Variants in CHRM3 observed in about 807,000 individuals in gnomAD.
The protein encoded by CHRM3 is muscarinic acetylcholine receptor M3.
In CHRM3, 11 loss-of-function variants were observed where a neutral mutation model predicts 41.8. The ratio of observed to expected loss-of-function variants is 0.26; its 90% confidence interval spans 0.17 to 0.44. The LOEUF is 0.44. Ranked by LOEUF, CHRM3 falls within the 20% of genes least tolerant of loss-of-function variation. CHRM3 has a pLI of 1.00. For missense variants in CHRM3, 571 were observed against 745.4 expected (o/e 0.77, Z 2.72); for synonymous variants, 297 against 301.4 (o/e 0.99, Z 0.15).
chr1:239,803,804 GT>G (rs1572346240), intron 5 of CHRM3, among the ~76,000 whole-genome samples: 1 of 152,160 alleles, frequency 6.6e-6, no homozygotes, highest in African/African-American at 2.4e-5. Context: ...GCAGAGCGGG[GT>G]TCCACCAAGT....
intron 6 of CHRM3, among the ~76,000 whole-genome samples, chr1:239,858,214 A>G (rs1675283076): frequency 6.6e-6 from 1 of 152,330 alleles, no homozygotes; most frequent in East Asian, 1.9e-4. Flanking sequence ...GCGATTTCAC[A>G]ATATTGCAGA....
chr1:239,506,615 A>G (rs1250021936), intron 2 of CHRM3, among the ~76,000 whole-genome samples: 1 of 152,174 alleles, frequency 6.6e-6, no homozygotes, highest in Non-Finnish European at 1.5e-5. Context: ...GAAGTGAAAT[A>G]TGGGGTCAGA....
intron 2 of CHRM3, among the ~76,000 whole-genome samples, chr1:239,524,660 G>A (rs970596182): frequency 2.6e-5 from 4 of 152,040 alleles, no homozygotes; most frequent in South Asian, 2.1e-4. Flanking sequence ...AGTAAGCCAT[G>A]TACTACCTTA....
intron 3 of CHRM3, among the ~76,000 whole-genome samples, chr1:239,604,290 A>G (rs10925926): frequency 0.82 from 121,196 of 147,322 alleles, 51,848 homozygotes; most frequent in Non-Finnish European, 0.93. Context: ...CTGGGAAACT[A>G]GGTTTTTTTT....
chr1:239,455,341 G>C (rs1474388882), intron 1 of CHRM3, among the ~76,000 whole-genome samples: 1 of 151,902 alleles, frequency 6.6e-6, no homozygotes, highest in East Asian at 1.9e-4. Flanking sequence ...CTGAGCCACA[G>C]TGCCCAGCCT....
rs76470863 is a variant in CHRM3 at position 239,865,189 on chromosome 1, A to G, written c.-20+37811A>G. Among the ~76,000 whole-genome samples, 1,495 of 152,282 alleles carry G rather than the reference A, an allele frequency of 9.8e-3. 34 individuals carry two copies. Among genetic ancestry groups the G allele is most frequent in the African/African-American group, 0.035 (1,437 of 41,544 alleles). ...AGGAACATGGAATCTCCTCTGTGATATATTGTTATGGGAGAAAAGCAAGAT... is the reference window on the plus strand; with the variant it reads ...AGGAACATGGAATCTCCTCTGTGATGTATTGTTATGGGAGAAAAGCAAGAT... On this transcript the variant is annotated intron_variant, in intron 6 of 6. Transcript: ENST00000676153.
At chr1:239,499,601 A>G (rs994672375) in intron 2 of CHRM3, among the ~76,000 whole-genome samples, 2 of 152,110 alleles carry the variant, frequency 1.3e-5, no homozygotes, top group African/African-American at 2.4e-5. Context: ...CTCTTCTTGA[A>G]CTCGGTGCCA....
At chr1:239,859,829 A>ATATTTT (rs1431874027) in intron 6 of CHRM3, among the ~76,000 whole-genome samples, 1 of 41,262 alleles carries the variant, frequency 2.4e-5, no homozygotes, top group African/African-American at 4.4e-5. Flanking sequence ...TTATATATAT[A>ATATTTT]TATATATATA....
chr1:239,457,611 AC>A (rs1665050029), intron 1 of CHRM3, among the ~76,000 whole-genome samples: 1 of 152,198 alleles, frequency 6.6e-6, no homozygotes, highest in South Asian at 2.1e-4. Context: ...CATAGTGTGC[AC>A]TAAGCTTTCA....
At chr1:239,759,230 T>C (rs1166017145) in intron 5 of CHRM3, among the ~76,000 whole-genome samples, 1 of 146,464 alleles carries the variant, frequency 6.8e-6, no homozygotes, top group Non-Finnish European at 1.5e-5. Flanking sequence ...CTGCATGCTT[T>C]AGCAGAGATG....
intron 2 of CHRM3, among the ~76,000 whole-genome samples, chr1:239,522,832 C>T (rs1669745047): frequency 6.6e-6 from 1 of 152,172 alleles, no homozygotes; most frequent in African/African-American, 2.4e-5. Context: ...TTGTGTCTCT[C>T]TAGAAAGGTC....
chr1:239,495,062 T>C (rs1667793974), intron 2 of CHRM3, among the ~76,000 whole-genome samples: 1 of 152,216 alleles, frequency 6.6e-6, no homozygotes, highest in African/African-American at 2.4e-5. Flanking sequence ...TGTACATTTC[T>C]GACTGTACTA....
chr1:239,689,411 A>T (rs1659489889), intron 5 of CHRM3, among the ~76,000 whole-genome samples: 1 of 152,194 alleles, frequency 6.6e-6, no homozygotes, highest in Non-Finnish European at 1.5e-5. Context: ...TGTTGCTTAC[A>T]TAAAGGAATG....
At chr1:239,529,593 CAG>C (rs1045436211) in intron 2 of CHRM3, among the ~76,000 whole-genome samples, 1 of 117,664 alleles carries the variant, frequency 8.5e-6, no homozygotes, top group African/African-American at 3.4e-5. Flanking sequence ...GCCTGGGTGA[CAG>C]AGAGACTCCG....
chr1:239,559,882 A>G (rs990576159), intron 3 of CHRM3, among the ~76,000 whole-genome samples: 1 of 152,186 alleles, frequency 6.6e-6, no homozygotes, highest in Non-Finnish European at 1.5e-5. Flanking sequence ...TGTTATCAAA[A>G]TTAACCTTTA....
chr1:239,598,521 T>A lies in CHRM3; in HGVS notation c.-312-33703T>A, dbSNP rs147771617. On this transcript the variant is annotated intron_variant, in intron 3 of 6. Coordinates refer to ENST00000676153, the MANE Select transcript of CHRM3 (RefSeq NM_001375978.1). Reference sequence around the variant, plus strand: ...GTCATGTTAAACTGAACTTGCTTTATCCAAGCCTGAAACTTTAGAGGTTGC... The same window carrying A: ...GTCATGTTAAACTGAACTTGCTTTAACCAAGCCTGAAACTTTAGAGGTTGC... Among the ~76,000 whole-genome samples, 229 of 152,244 alleles carry A rather than the reference T, an allele frequency of 1.5e-3. 2 individuals are homozygous for A. The highest frequency in any genetic ancestry group is 5.3e-3 in the African/African-American group (219 of 41,552).
intron 3 of CHRM3, among the ~76,000 whole-genome samples, chr1:239,582,260 GA>G (rs1426349198): frequency 2.6e-5 from 4 of 152,156 alleles, no homozygotes; most frequent in Non-Finnish European, 5.9e-5. Context: ...TGTAGGCTTA[GA>G]AAAGTAGCAG....
intron 2 of CHRM3, among the ~76,000 whole-genome samples, chr1:239,541,268 A>G (rs1416482568): frequency 1.3e-5 from 2 of 152,000 alleles, no homozygotes; most frequent in South Asian, 2.1e-4. Flanking sequence ...TTCATCTTCA[A>G]TATCTTCCTT....
intron 1 of CHRM3, among the ~76,000 whole-genome samples, chr1:239,490,194 G>A (rs190790757): frequency 6.6e-6 from 1 of 152,182 alleles, no homozygotes; most frequent in Non-Finnish European, 1.5e-5. Flanking sequence ...GATTGGTTTT[G>A]ACTTCAAAGT....
Sources: allele counts gnomAD v4.1 joint callset (sites outside exome capture counted in the v4.1 genomes callset), GRCh38; gene constraint gnomAD v4.1.1; transcripts MANE v1.5; gene names NCBI Gene and HGNC (gene_info 2026-07-23, HGNC 2026-07-21).